SDK1: variants seen among roughly 807,000 people sequenced by gnomAD.
SDK1 encodes the protein protein sidekick-1.
In SDK1, 157 loss-of-function variants were observed where a neutral mutation model predicts 245.5. That is an observed-to-expected ratio of 0.64 (90% CI 0.56 to 0.73). The LOEUF (loss-of-function observed/expected upper bound fraction) is 0.73, where lower values mean the gene tolerates loss of function less well. Among genes scored for constraint, SDK1 ranks in the 30% least tolerant of loss-of-function variants. The pLI is 0.00. For synonymous variants in SDK1, 1,647 were observed against 1,278.5 expected (o/e 1.29, Z -6.15); for missense variants, 3,583 against 3,002.3 (o/e 1.19, Z -4.52).
At chr7:3,837,799 C>T (rs1018647820) in intron 5 of SDK1, among the ~76,000 whole-genome samples, 3 of 152,164 alleles carry the variant, frequency 2.0e-5, no homozygotes, top group Non-Finnish European at 4.4e-5. Flanking sequence ...ATTTTGGTAA[C>T]CTCATGTGGC....
intron 5 of SDK1, among the ~76,000 whole-genome samples, chr7:3,925,460 A>G (rs1779734717): frequency 6.6e-6 from 1 of 152,184 alleles, no homozygotes; most frequent in Non-Finnish European, 1.5e-5. Flanking sequence ...TTCTACCCTC[A>G]TCAGGAGAGA....
intron 5 of SDK1, among the ~76,000 whole-genome samples, chr7:3,858,049 A>C (rs1562494613): frequency 6.6e-6 from 1 of 152,204 alleles, no homozygotes; most frequent in Non-Finnish European, 1.5e-5. Flanking sequence ...GAAACTTGTC[A>C]AGATGATTCT....
chr7:3,505,479 A>G (rs1782364831), intron 1 of SDK1, among the ~76,000 whole-genome samples: 1 of 152,174 alleles, frequency 6.6e-6, no homozygotes, highest in African/African-American at 2.4e-5. Context: ...TCAAACTCCT[A>G]GGCTCAAGCA....
intron 1 of SDK1, among the ~76,000 whole-genome samples, chr7:3,345,205 C>A (rs12673946): frequency 6.6e-6 from 1 of 152,092 alleles, no homozygotes; most frequent in African/African-American, 2.4e-5. Flanking sequence ...AGATAACTTA[C>A]GGATTTTATA....
At chr7:3,729,130 C>G (rs960672460) in intron 4 of SDK1, among the ~76,000 whole-genome samples, 3 of 152,032 alleles carry the variant, frequency 2.0e-5, no homozygotes, top group African/African-American at 7.3e-5. Flanking sequence ...ATTTATTTTA[C>G]CATGGCATCA....
intron 1 of SDK1, among the ~76,000 whole-genome samples, chr7:3,429,233 A>G (rs1415004086): frequency 1.6e-5 from 1 of 62,734 alleles, no homozygotes; most frequent in Admixed American, 1.4e-4. Context: ...GAGAAAAAAT[A>G]TGATAAAAGG....
chr7:3,940,819 A>G (rs911215529), intron 5 of SDK1, among the ~76,000 whole-genome samples: 2 of 151,820 alleles, frequency 1.3e-5, no homozygotes, highest in Non-Finnish European at 2.9e-5. Context: ...AATAATAATA[A>G]TAGTAAATTA....
intron 27 of SDK1, chr7:4,130,368 C>A: frequency 2.1e-6 from 1 of 474,008 alleles, no homozygotes; most frequent in Non-Finnish European, 3.7e-6. Flanking sequence ...GCAGCAGAGG[C>A]TGGGGCGGGG....
In SDK1 at chr7:3,787,013, T is replaced by C. The variant is rs9655002; in HGVS notation, c.714-34437T>C. 5.6e-3 allele frequency among the ~76,000 whole-genome samples: 848 copies of C among 152,258 alleles called. 9 individuals are homozygous for C. The highest frequency in any genetic ancestry group is 0.02 in the African/African-American group (815 of 41,554). Reference sequence around the variant, plus strand: ...CTCTGACAAGCAGAATTGATAGACATCTTTCCCCATACACTTTAGTGGTGG... The same window carrying C: ...CTCTGACAAGCAGAATTGATAGACACCTTTCCCCATACACTTTAGTGGTGG... On this transcript the variant is annotated intron_variant, in intron 4 of 44. Transcript: ENST00000404826.
chr7:3,571,510 G>T (rs1350984706), intron 1 of SDK1, among the ~76,000 whole-genome samples: 2 of 151,876 alleles, frequency 1.3e-5, no homozygotes, highest in Non-Finnish European at 2.9e-5. Context: ...TTGCTGTGTT[G>T]CCCAAGCTGG....
At chr7:3,377,348 C>T (rs142693739) in intron 1 of SDK1, among the ~76,000 whole-genome samples, 8 of 152,210 alleles carry the variant, frequency 5.3e-5, no homozygotes, top group East Asian at 3.9e-4. Flanking sequence ...CTGCAGCTGC[C>T]GCAGGTTTTC....
At chr7:3,906,699 C>T (rs1338367603) in intron 5 of SDK1, among the ~76,000 whole-genome samples, 3 of 131,948 alleles carry the variant, frequency 2.3e-5, no homozygotes, top group Non-Finnish European at 4.6e-5. Context: ...AAGATCTCGG[C>T]TCACTGCAAC....
chr7:3,480,710 A>G (rs1351306468), intron 1 of SDK1, among the ~76,000 whole-genome samples: 1 of 152,226 alleles, frequency 6.6e-6, no homozygotes, highest in Non-Finnish European at 1.5e-5. Context: ...CTATTCCTGA[A>G]TAAACTGTTT....
intron 1 of SDK1, among the ~76,000 whole-genome samples, chr7:3,402,954 TTTC>T (rs1778928721): frequency 6.6e-6 from 1 of 152,158 alleles, no homozygotes; most frequent in South Asian, 2.1e-4. Flanking sequence ...TCTTTCTTTC[TTTC>T]TTTTTTTGAG....
chr7:3,485,683 G>GTTGTTTTT (rs1781665859), intron 1 of SDK1, among the ~76,000 whole-genome samples: 1 of 38,178 alleles, frequency 2.6e-5, no homozygotes, highest in Non-Finnish European at 4.5e-5. Flanking sequence ...TCTTTGGAGG[G>GTTGTTTTT]TTTTTTTTTT....
chr7:4,200,276 G>A (rs775995563), intron 35 of SDK1, among the ~76,000 whole-genome samples: 49 of 152,196 alleles, frequency 3.2e-4, no homozygotes, highest in Non-Finnish European at 4.7e-4. Context: ...AACTCCAGGC[G>A]GTCTTGGAGA....
At chr7:3,489,924 A>G (rs1017828317) in intron 1 of SDK1, among the ~76,000 whole-genome samples, 1 of 152,218 alleles carries the variant, frequency 6.6e-6, no homozygotes, top group Admixed American at 6.5e-5. Flanking sequence ...TGATATTGCC[A>G]ATTACACATA....
At chr7:3,808,391 A>G (rs1244683318) in intron 4 of SDK1, among the ~76,000 whole-genome samples, 1 of 152,310 alleles carries the variant, frequency 6.6e-6, no homozygotes, top group East Asian at 1.9e-4. Context: ...GAAATCCTAC[A>G]CAGAAAAATC....
intron 14 of SDK1, among the ~76,000 whole-genome samples, chr7:3,993,465 A>G (rs1784492188): frequency 6.6e-6 from 1 of 152,172 alleles, no homozygotes; most frequent in Admixed American, 6.5e-5. Context: ...TCCTACGGTT[A>G]GTTTTTTAAT....
Sources: gnomAD v4.1 joint callset for allele counts (sites outside exome capture counted in the v4.1 genomes callset) on GRCh38, gnomAD v4.1.1 for gene constraint, MANE v1.5 for transcripts, NCBI Gene and HGNC (gene_info 2026-07-23, HGNC 2026-07-21) for gene names.